Variants in RPS6KA2 observed in about 807,000 individuals in gnomAD.
RPS6KA2 encodes ribosomal protein S6 kinase A2, also known as ribosomal protein S6 kinase alpha-2.
A neutral mutation model predicts 91.8 loss-of-function variants in RPS6KA2; 42 were observed. The observed-to-expected ratio is 0.46, with a 90% CI of 0.36 to 0.59. The LOEUF is 0.59. Ranked by LOEUF, RPS6KA2 falls within the 20% of genes least tolerant of loss-of-function variation. The pLI is 0.00. For synonymous variants in RPS6KA2, 414 were observed against 393.6 expected (o/e 1.05, Z -0.61); for missense variants, 798 against 978.5 (o/e 0.82, Z 2.46).
chr6:166,563,210 G>A lies in RPS6KA2; in HGVS notation c.100-24426C>T, dbSNP rs1267380095. ...GCTTTTCCGGGGTAGTGGAGACACCGCCACGTCTGTGTCTCTGGAGAAGGA... is the reference window on the plus strand; with the variant it reads ...GCTTTTCCGGGGTAGTGGAGACACCACCACGTCTGTGTCTCTGGAGAAGGA... On this transcript the variant is annotated intron_variant, in intron 1 of 20. Transcript: ENST00000265678. The surrounding 1 kb of genome is among the most constrained non-coding windows in gnomAD (Gnocchi z 4.1). Among the ~76,000 whole-genome samples the A allele has an allele frequency of 1.3e-5, 2 of 152,140 alleles. No individual in the cohort carries two copies. Among genetic ancestry groups the A allele is most frequent in the Non-Finnish European group, 2.9e-5 (2 of 68,014 alleles).
intron 16 of RPS6KA2, among the ~76,000 whole-genome samples, chr6:166,426,910 C>T (rs1391228576): frequency 2.0e-5 from 3 of 147,782 alleles, no homozygotes; most frequent in Admixed American, 2.0e-4. Flanking sequence ...GAAACTATTC[C>T]AATCAATAGA....
At chr6:166,625,298 A>T (rs1011444174) in intron 1 of RPS6KA2, among the ~76,000 whole-genome samples, 12 of 150,586 alleles carry the variant, frequency 8.0e-5, no homozygotes, top group African/African-American at 2.9e-4. Flanking sequence ...TCTACATGGA[A>T]GAAACCTCGT....
At chr6:166,692,386 A>G (rs990017305) in intron 2 of RPS6KA2, among the ~76,000 whole-genome samples, 1 of 152,180 alleles carries the variant, frequency 6.6e-6, no homozygotes, top group African/African-American at 2.4e-5. Flanking sequence ...TGTTCTGTCG[A>G]ACCCAGGGAC....
At chr6:166,595,356 C>T (rs1010581365) in intron 1 of RPS6KA2, among the ~76,000 whole-genome samples, 22 of 152,128 alleles carry the variant, frequency 1.4e-4, no homozygotes, top group African/African-American at 4.1e-4. Flanking sequence ...CCAGCCAAAA[C>T]GAATAAACTT....
At chr6:166,786,055 C>T (rs888826518) in intron 2 of RPS6KA2, among the ~76,000 whole-genome samples, 12 of 152,116 alleles carry the variant, frequency 7.9e-5, no homozygotes, top group African/African-American at 2.9e-4. Context: ...CCTTTTTCAA[C>T]AATCATTTAT....
chr6:166,543,874 G>GAGAT (rs3837031), intron 1 of RPS6KA2, among the ~76,000 whole-genome samples: 60,741 of 151,924 alleles, frequency 0.4, 12,331 homozygotes, highest in South Asian at 0.57. Context: ...GAGTGTGTGT[G>GAGAT]AGACAGGTCT....
At chr6:166,439,380 T>C (rs943547026) in intron 14 of RPS6KA2, among the ~76,000 whole-genome samples, 3 of 152,252 alleles carry the variant, frequency 2.0e-5, no homozygotes, top group Admixed American at 2.0e-4. Flanking sequence ...TGTGCTGGGA[T>C]TACAGGCATG....
intron 1 of RPS6KA2, among the ~76,000 whole-genome samples, chr6:166,556,448 C>T (rs971152): frequency 0.29 from 44,250 of 152,168 alleles, 9,258 homozygotes; most frequent in African/African-American, 0.59. Flanking sequence ...ATCTCCACCT[C>T]TGAGTCAACT....
In RPS6KA2 at chr6:166,437,943, G is replaced by A. The variant is rs137980183; in HGVS notation, c.1333-5453C>T. Among the ~76,000 whole-genome samples, 507 of 152,218 alleles carry A rather than the reference G, an allele frequency of 3.3e-3. 2 individuals carry two copies. Among genetic ancestry groups the A allele is most frequent in the African/African-American group, 7.5e-3 (311 of 41,514 alleles). On this transcript the variant is annotated intron_variant, in intron 14 of 20. Coordinates refer to ENST00000265678, the MANE Select transcript of RPS6KA2 (RefSeq NM_021135.6). The surrounding 1 kb of genome is among the most constrained non-coding windows in gnomAD (Gnocchi z 4.3). ...TCCATCAGTGGAGACACCGTCTCCC[G>A]GGACACTCAGCAACCTGAGCAGATG... is the stretch of plus-strand genomic sequence containing the variant.
chr6:166,479,752 G>A (rs1038606817), intron 10 of RPS6KA2, among the ~76,000 whole-genome samples: 1 of 152,220 alleles, frequency 6.6e-6, no homozygotes, highest in South Asian at 2.1e-4. Flanking sequence ...CCTTCTGCCC[G>A]TCCCTCCGGG....
chr6:166,453,197 T>TCACACACACACA (rs149702729), intron 12 of RPS6KA2, among the ~76,000 whole-genome samples: 24 of 141,232 alleles, frequency 1.7e-4, no homozygotes, highest in African/African-American at 5.9e-4. Flanking sequence ...TGAGACTCCA[T>TCACACACACACA]CACACACACA....
At chr6:166,634,050 GGC>G (rs1787161762) in intron 2 of RPS6KA2, among the ~76,000 whole-genome samples, 1 of 152,202 alleles carries the variant, frequency 6.6e-6, no homozygotes, top group Non-Finnish European at 1.5e-5. Flanking sequence ...GTGGGCTCAG[GGC>G]GTGGGGTCAG....
chr6:166,530,634 T>C (rs929303459), intron 3 of RPS6KA2, among the ~76,000 whole-genome samples: 7 of 152,150 alleles, frequency 4.6e-5, no homozygotes, highest in African/African-American at 1.7e-4. Flanking sequence ...ACACAGTGAA[T>C]AGGAGGTGAT....
chr6:166,510,589 ATATATATATATATATATATATG>A, intron 3 of RPS6KA2, among the ~76,000 whole-genome samples: 1 of 53,894 alleles, frequency 1.9e-5, no homozygotes. Context: ...ATATATATAT[ATATATATATATATATATATATG>A]CATCTCTAGC....
chr6:166,498,613 C>T lies in RPS6KA2; in HGVS notation c.642G>A (p.Lys214=). 6.2e-7 allele frequency: 1 copy of T among 1,614,000 alleles called. No homozygotes were observed. Among genetic ancestry groups the T allele is most frequent in the East Asian group, 2.2e-5 (1 of 44,886 alleles). Residue 214 remains lysine (K), a synonymous_variant, in exon 8 of 21, where the codon AAG becomes AAA. Coordinates refer to ENST00000265678, the MANE Select transcript of RPS6KA2 (RefSeq NM_021135.6). ...TCGTCCCGCAGAAGGAGTACGCTCT[C>T]TTGTCGTGGTCAATGGCCTCCTTAC... ...GLSKEAIDHD[K]RAYSFCGTIE...
In RPS6KA2 at chr6:166,639,749, T is replaced by TC. The variant is rs1787370300; in HGVS notation, c.124-100966dup. 6.6e-6 allele frequency among the ~76,000 whole-genome samples: 1 copy of TC among 152,076 alleles called. No individual in the cohort carries two copies. Among genetic ancestry groups the TC allele is most frequent in the East Asian group, 1.9e-4 (1 of 5,188 alleles). Reference sequence around the variant, plus strand: ...CCTCTGCCCACTGGCCACATCTCCTTCCAGCATCTTCCAGACCCAGCATTG... The same window carrying TC: ...CCTCTGCCCACTGGCCACATCTCCTTCCCAGCATCTTCCAGACCCAGCATTG... On this transcript the variant is annotated intron_variant, in intron 2 of 21. Coordinates refer to the RPS6KA2 transcript ENST00000503859. The surrounding 1 kb of genome is among the most constrained non-coding windows in gnomAD (Gnocchi z 4.2).
intron 10 of RPS6KA2, chr6:166,475,891 A>G (rs369553862): frequency 2.0e-6 from 1 of 504,868 alleles, no homozygotes. Context: ...GGTAGTCTGG[A>G]CATGTATAAA....
intron 2 of RPS6KA2, among the ~76,000 whole-genome samples, chr6:166,808,060 G>A (rs1214727082): frequency 6.6e-6 from 1 of 151,674 alleles, no homozygotes; most frequent in Non-Finnish European, 1.5e-5. Context: ...ACCCCTGCAG[G>A]GCAGCACGAT....
intron 2 of RPS6KA2, among the ~76,000 whole-genome samples, chr6:166,841,338 A>G (rs1780472615): frequency 6.6e-6 from 1 of 152,274 alleles, no homozygotes; most frequent in South Asian, 2.1e-4. Context: ...AGTCAAGGCC[A>G]TGTCTGCAGC....
Sources: gnomAD v4.1 joint callset for allele counts (sites outside exome capture counted in the v4.1 genomes callset) on GRCh38, gnomAD v4.1.1 for gene constraint, Gnocchi (gnomAD v3.1) non-coding constraint, MANE v1.5 for transcripts, NCBI Gene and HGNC (gene_info 2026-07-23, HGNC 2026-07-21) for gene names.